BLTP1: variants seen among roughly 807,000 people sequenced by gnomAD.
BLTP1 encodes fragile site-associated protein.
chr4:122,183,616 G>T, the BLTP1 span: 1 of 683,934 alleles, frequency 1.5e-6, no homozygotes, highest in South Asian at 6.6e-5. Flanking sequence ...GCAGACCTAG[G>T]TTTTTGCTTT....
the BLTP1 span, chr4:122,264,198 G>C: frequency 2.0e-6 from 3 of 1,498,928 alleles, no homozygotes; most frequent in Non-Finnish European, 2.7e-6. Flanking sequence ...ACACTTTTAT[G>C]TGTTTCTATT....
the BLTP1 span, chr4:122,298,963 A>G: frequency 1.0e-6 from 1 of 985,346 alleles, no homozygotes; most frequent in Non-Finnish European, 1.2e-6. Context: ...GAAATGACAG[A>G]AGATGAAGAG....
At chr4:122,167,582 A>G in the BLTP1 span, 20 of 818,672 alleles carry the variant, frequency 2.4e-5, no homozygotes, top group African/African-American at 3.7e-4. Context: ...CTGGCCATGG[A>G]TGTTCTTCTC....
chr4:122,314,631 C>G, the BLTP1 span, among the ~76,000 whole-genome samples: 1 of 152,100 alleles, frequency 6.6e-6, no homozygotes, highest in Non-Finnish European at 1.5e-5. Context: ...TCTCTCCTTA[C>G]CATTCTGTTT....
At chr4:122,209,673 A>G in the BLTP1 span, 1 of 1,084,078 alleles carries the variant, frequency 9.2e-7, no homozygotes, top group Non-Finnish European at 1.3e-6. Context: ...ATAAAATAAA[A>G]TTAGTGACAA....
chr4:122,179,391 C>A, the BLTP1 span, among the ~76,000 whole-genome samples: 1 of 152,138 alleles, frequency 6.6e-6, no homozygotes, highest in African/African-American at 2.4e-5. Flanking sequence ...ATTTAGTTCA[C>A]CTGCATTAAT....
the BLTP1 span, among the ~76,000 whole-genome samples, chr4:122,300,259 C>G: frequency 6.6e-6 from 1 of 152,160 alleles, no homozygotes; most frequent in South Asian, 2.1e-4. Flanking sequence ...ATCCACCCAT[C>G]TTAGCCTCCC....
the BLTP1 span, chr4:122,202,582 A>AT: frequency 4.3e-6 from 4 of 935,220 alleles, no homozygotes; most frequent in Non-Finnish European, 5.1e-6. Context: ...AAGATTTTGT[A>AT]TTTTTTAACT....
the BLTP1 span, chr4:122,359,616 C>T: frequency 1.2e-6 from 2 of 1,612,272 alleles, no homozygotes; most frequent in Non-Finnish European, 1.7e-6. Flanking sequence ...AATTATTATA[C>T]ATGACGACAA....
At chr4:122,159,028 C>A in the BLTP1 span, among the ~76,000 whole-genome samples, 1 of 152,174 alleles carries the variant, frequency 6.6e-6, no homozygotes, top group Non-Finnish European at 1.5e-5. Flanking sequence ...CTGAATATTT[C>A]TTTTGCCTAG....
At chr4:122,293,273 C>T in the BLTP1 span, 1 of 616,658 alleles carries the variant, frequency 1.6e-6, no homozygotes, top group Non-Finnish European at 2.0e-6. Context: ...CCAGGACTCT[C>T]ACACAGAGGA....
the BLTP1 span, chr4:122,277,678 C>T: frequency 1.0e-6 from 1 of 976,942 alleles, no homozygotes; most frequent in Non-Finnish European, 1.2e-6. Flanking sequence ...CATTTGTTTA[C>T]CACTCACTGA....
chr4:122,281,697 T>C, the BLTP1 span: 29 of 1,612,232 alleles, frequency 1.8e-5, no homozygotes, highest in Non-Finnish European at 2.3e-5. Flanking sequence ...TTAGATGGTA[T>C]AGCCATTGGA....
chr4:122,359,496 G>A, the BLTP1 span: 1 of 1,560,200 alleles, frequency 6.4e-7, no homozygotes, highest in Non-Finnish European at 8.7e-7. Context: ...AACCAATTCT[G>A]TTCTAATTCT....
chr4:122,318,233 G>A, the BLTP1 span: 1 of 1,611,966 alleles, frequency 6.2e-7, no homozygotes, highest in Non-Finnish European at 8.5e-7. Flanking sequence ...GACATTAGAA[G>A]AGATGTTCGT....
chr4:122,335,164 C>G, the BLTP1 span, among the ~76,000 whole-genome samples: 1 of 152,002 alleles, frequency 6.6e-6, no homozygotes, highest in African/African-American at 2.4e-5. Context: ...ATGTGGGCTT[C>G]TCTACTGGGC....
the BLTP1 span, chr4:122,301,250 A>T: frequency 3.2e-4 from 474 of 1,472,474 alleles, 5 homozygotes; most frequent in African/African-American, 6.6e-3. Flanking sequence ...CAAAATAGTT[A>T]TTTTTTTTCT....
chr4:122,342,389 T>C, the BLTP1 span, among the ~76,000 whole-genome samples: 3 of 152,270 alleles, frequency 2.0e-5, no homozygotes, highest in South Asian at 4.1e-4. Context: ...TAAGTCTCAC[T>C]CTGTTGTCCA....
the BLTP1 span, chr4:122,220,994 G>A: frequency 1.7e-6 from 1 of 595,974 alleles, no homozygotes; most frequent in Non-Finnish European, 2.1e-6. Context: ...ACATTTCTGG[G>A]TAGATTATAA....
Sources: gnomAD v4.1 joint callset for allele counts (sites outside exome capture counted in the v4.1 genomes callset) on GRCh38, gnomAD v4.1.1 for gene constraint, MANE v1.5 for transcripts, NCBI Gene and HGNC (gene_info 2026-07-23, HGNC 2026-07-21) for gene names.